Variants in ZSWIM4 observed in about 807,000 individuals in gnomAD.
ZSWIM4 encodes the protein zinc finger SWIM domain-containing protein 4.
A neutral mutation model predicts 102.5 loss-of-function variants in ZSWIM4; 62 were observed. That is an observed-to-expected ratio of 0.60 (90% CI 0.49 to 0.75). The LOEUF is 0.75. ZSWIM4 is among the 30% of genes least tolerant of loss of function. ZSWIM4 has a pLI of 0.00. For missense variants in ZSWIM4, 1,280 were observed against 1,529.6 expected, an observed-to-expected ratio of 0.84 and a Z score of 2.72; for synonymous variants, 652 against 674.5, an observed-to-expected ratio of 0.97 and a Z score of 0.52.
At position 13,800,083 on chromosome 19, in the gene ZSWIM4, T is replaced by TTTTTTTTC. The variant is rs1221240286; in HGVS notation, c.355+164_355+165insTTTTTCTT. Reference sequence around the variant, plus strand: ...GTACAAGATTTTTTTTTTTTTTTTTTTTGAGACGGAGTCTCGCTCTTTGGC... The same window carrying TTTTTTTTC: ...GTACAAGATTTTTTTTTTTTTTTTTTTTTTTTTCTTGAGACGGAGTCTCGCTCTTTGGC... On this transcript the variant is annotated intron_variant, in intron 2 of 13. Transcript: ENST00000590508. 3.4e-3 allele frequency among the ~76,000 whole-genome samples: 498 copies of TTTTTTTTC among 146,578 alleles called. 5 individuals carry two copies. The highest frequency in any genetic ancestry group is 9.4e-3 in the South Asian group (43 of 4,574).
At chr19:13,817,497 C>T (rs979762590) in intron 8 of ZSWIM4, 144 bp downstream of exon 8, 101 of 1,201,452 alleles carry the variant, frequency 8.4e-5, no homozygotes, top group Middle Eastern at 2.7e-4. Context: ...CTGGCCAGTG[C>T]CCAGAGCCAA....
chr19:13,817,653 A>T (rs1169110544), intron 8 of ZSWIM4, 69 bp from the exon 9 acceptor site: 6 of 1,562,000 alleles, frequency 3.8e-6, no homozygotes, highest in Non-Finnish European at 5.2e-6. Flanking sequence ...TCCATGCTTG[A>T]GGCCAAGGGC....
intron 5 of ZSWIM4, among the ~76,000 whole-genome samples, chr19:13,811,867 G>A (rs2145307046): frequency 6.6e-6 from 1 of 152,180 alleles, no homozygotes; most frequent in African/African-American, 2.4e-5. Flanking sequence ...TTGAGGTCAG[G>A]AGATCGAGAC....
chr19:13,814,456 A>C, intron 6 of ZSWIM4, 59 bp from the exon 7 acceptor site: 1 of 994,172 alleles, frequency 1.0e-6, no homozygotes, highest in South Asian at 2.2e-5. Flanking sequence ...AAAGCTGGAC[A>C]CGGCTCAACT....
At chr19:13,828,526 G>T in intron 12 of ZSWIM4, 119 bp from the exon 13 acceptor site, 1 of 730,010 alleles carries the variant, frequency 1.4e-6, no homozygotes, top group East Asian at 2.6e-5. Flanking sequence ...TCACTTACCC[G>T]GGTTCATTGG....
intron 7 of ZSWIM4, among the ~76,000 whole-genome samples, chr19:13,816,208 T>G (rs1350381992): frequency 6.6e-6 from 1 of 151,966 alleles, no homozygotes; most frequent in Non-Finnish European, 1.5e-5. Flanking sequence ...CGAAGAAAAG[T>G]GTGTCGTGGA....
At chr19:13,807,866 C>CT (rs1974962109) in intron 3 of ZSWIM4, among the ~76,000 whole-genome samples, 1 of 151,978 alleles carries the variant, frequency 6.6e-6, no homozygotes, top group East Asian at 1.9e-4. Flanking sequence ...ATGTATTACT[C>CT]TGTTCTCACA....
In ZSWIM4 at chr19:13,819,654, A is replaced by ACTAT. The variant is rs568386720; in HGVS notation, c.2060+162_2060+163insCTAT. The stretch of plus-strand genomic sequence containing the variant: ...ATGATGCCATGTGCTTTTCATTATT[A>ACTAT]TTATTTATTTATTTATTTATTTATT... On this transcript the variant is annotated intron_variant, in intron 10 of 13. Coordinates refer to ENST00000590508, the MANE Select transcript of ZSWIM4 (RefSeq NM_001367834.3). 3.7e-4 allele frequency among the ~76,000 whole-genome samples: 56 copies of ACTAT among 150,336 alleles called. No individual in the cohort carries two copies. The South Asian group carries it at 0.011, about 30-fold the overall frequency.
rs1056867063 is a variant in ZSWIM4, at chr19:13,825,782, C to A, written c.2379+69C>A. ...GGCCAGGACTGACTGTGAGCTGCGC[C>A]TCCCGGGGCATGGGCTGAGTGTGAG... On this transcript the variant is annotated intron_variant, in intron 12 of 13. Coordinates refer to ENST00000590508, the MANE Select transcript of ZSWIM4 (RefSeq NM_001367834.3). The surrounding 1 kb of genome is among the most constrained non-coding windows in gnomAD (Gnocchi z 4.6). 6.6e-7 allele frequency: 1 copy of A among 1,525,136 alleles called. No individual in the cohort carries two copies. The highest frequency in any genetic ancestry group is 1.9e-5 in the Admixed American group (1 of 51,752). The allele number at this position is 1,525,136 out of a possible 1,614,324, so 94.5% of individuals were successfully genotyped here. A position where few individuals can be genotyped will look rare whatever the true frequency, so the allele number is the denominator to read the frequency against.
At chr19:13,810,748 TA>T (rs1975058334) in intron 5 of ZSWIM4, among the ~76,000 whole-genome samples, 1 of 146,180 alleles carries the variant, frequency 6.8e-6, no homozygotes, top group African/African-American at 2.5e-5. Flanking sequence ...TAGCTGGGAC[TA>T]CAGAGGCCCA....
chr19:13,823,766 A>T (rs1975532668), intron 11 of ZSWIM4, among the ~76,000 whole-genome samples: 1 of 152,182 alleles, frequency 6.6e-6, no homozygotes, highest in Non-Finnish European at 1.5e-5. Context: ...GGTGCCATGG[A>T]GTGGAATAAA....
At chr19:13,814,205 C>T (rs1975197189) in intron 6 of ZSWIM4, among the ~76,000 whole-genome samples, 1 of 151,730 alleles carries the variant, frequency 6.6e-6, no homozygotes, top group Admixed American at 6.6e-5. Context: ...TACAGGTGTG[C>T]ACCACCACGC....
intron 13 of ZSWIM4, among the ~76,000 whole-genome samples, chr19:13,829,115 A>AG (rs1491121809): frequency 6.8e-6 from 1 of 147,382 alleles, no homozygotes. Context: ...GAAAAAAAAA[A>AG]GAGAGAGAGA....
intron 3 of ZSWIM4, 102 bp downstream of exon 3, chr19:13,805,250 G>A (rs1974888452): frequency 3.7e-6 from 4 of 1,090,432 alleles, no homozygotes; most frequent in Admixed American, 4.2e-5. Context: ...AGAAAGTTGT[G>A]GGGGCGGGGG....
chr19:13,826,163 C>T (rs144164847), intron 12 of ZSWIM4, among the ~76,000 whole-genome samples: 1,540 of 152,146 alleles, frequency 0.01, 21 homozygotes, highest in African/African-American at 0.036. Context: ...TAATAGAATC[C>T]GTCTATGGAG....
chr19:13,810,372 A>G (rs756221204), intron 5 of ZSWIM4, among the ~76,000 whole-genome samples: 11 of 151,862 alleles, frequency 7.2e-5, no homozygotes, highest in Admixed American at 1.3e-4. Context: ...GGCTCACTGC[A>G]ACCTCCACCT....
Position 13,823,445 on chromosome 19 carries a change from C to T in ZSWIM4, c.2160C>T (p.Gly720=). 6.3e-7 allele frequency: 1 copy of T among 1,588,266 alleles called. No homozygotes were observed. The highest frequency in any genetic ancestry group is 1.1e-5 in the South Asian group (1 of 88,644). The change falls in exon 11 of 14, where the codon GGC becomes GGT. Residue 720 remains glycine, a synonymous_variant. Coordinates refer to ENST00000590508, the MANE Select transcript of ZSWIM4 (RefSeq NM_001367834.3). The part of the protein sequence containing the change: ...SNRFPRWFIL[G]HLETRQCELA... ...GCTTCCCCCGCTGGTTCATCCTTGGCCACCTGGAGACCCGCCAGTGTGAAC... is the reference window on the plus strand; with the variant it reads ...GCTTCCCCCGCTGGTTCATCCTTGGTCACCTGGAGACCCGCCAGTGTGAAC...
chr19:13,817,338 C>T lies in ZSWIM4; in HGVS notation c.1654C>T (p.Leu552Phe), dbSNP rs1442906415. The T allele has an allele frequency of 6.2e-7, 1 of 1,613,624 alleles. No individual in the cohort carries two copies. The highest frequency in any genetic ancestry group is 8.5e-7 in the Non-Finnish European group (1 of 1,179,670). Residue 552 changes from leucine to phenylalanine, a missense_variant, in exon 8 of 14, where the codon CTT becomes TTT. By Grantham distance (22) the Leu-to-Phe change is conservative. Transcript: ENST00000590508. ...LEACRLEEET[L>F]TLYPDSGPEK... The stretch of plus-strand genomic sequence containing the variant: ...GGCCTGTCGTCTGGAGGAGGAGACA[C>T]TTACCCTTTACCCAGGTACTCACAT...
At chr19:13,815,847 G>A (rs113574299) in intron 7 of ZSWIM4, among the ~76,000 whole-genome samples, 60 of 151,782 alleles carry the variant, frequency 4.0e-4, no homozygotes, top group African/African-American at 1.3e-3. Flanking sequence ...GCTGCGGCAT[G>A]AGAATTGCTT....
Sources: gnomAD v4.1 joint callset for allele counts (sites outside exome capture counted in the v4.1 genomes callset) on GRCh38, gnomAD v4.1.1 for gene constraint, Gnocchi (gnomAD v3.1) non-coding constraint, MANE v1.5 for transcripts, NCBI Gene and HGNC (gene_info 2026-07-23, HGNC 2026-07-21) for gene names.